MSH3: variants seen among roughly 807,000 people sequenced by gnomAD.
MSH3 encodes mutS homolog 3.
A neutral mutation model predicts 123.3 loss-of-function variants in MSH3; 106 were observed. The observed-to-expected ratio is 0.86, with a 90% CI of 0.73 to 1.01. MSH3 has a LOEUF of 1.01. Among genes scored for constraint, MSH3 ranks in the 50% least tolerant of loss-of-function variants. The pLI is 0.00. For missense variants in MSH3, 1,459 were observed against 1,347.6 expected, an observed-to-expected ratio of 1.08 and a Z score of -1.29; for synonymous variants, 515 against 481.4, an observed-to-expected ratio of 1.07 and a Z score of -0.91.
chr5:80,872,977 T>G (rs1480926093), intron 22 of MSH3, 139 bp from the exon 23 acceptor site: 1 of 767,736 alleles, frequency 1.3e-6, no homozygotes, highest in Non-Finnish European at 2.2e-6. Context: ...AATTGATAAA[T>G]GGATCTAACA....
At chr5:80,733,342 G>A (rs1412235872) in intron 10 of MSH3, among the ~76,000 whole-genome samples, 1 of 152,104 alleles carries the variant, frequency 6.6e-6, no homozygotes, top group East Asian at 1.9e-4. Flanking sequence ...ATGGACCAAA[G>A]ACCTGATATG....
chr5:80,685,497 T>G (rs1433308639), intron 8 of MSH3, among the ~76,000 whole-genome samples: 1 of 152,112 alleles, frequency 6.6e-6, no homozygotes, highest in East Asian at 1.9e-4. Context: ...TGAATTCCTG[T>G]AGTATCAGTA....
chr5:80,722,566 C>T (rs1448842149), intron 8 of MSH3, among the ~76,000 whole-genome samples: 4 of 152,168 alleles, frequency 2.6e-5, no homozygotes, highest in Admixed American at 6.5e-5. Context: ...AGTAGAGTCC[C>T]CTGATGCTGG....
intron 19 of MSH3, among the ~76,000 whole-genome samples, chr5:80,812,610 G>A (rs1176575659): frequency 2.1e-5 from 3 of 141,606 alleles, no homozygotes; most frequent in Non-Finnish European, 4.6e-5. Flanking sequence ...TTGAGATGGA[G>A]TCTCACTCTC....
chr5:80,656,130 G>A (rs1485501599), intron 1 of MSH3, among the ~76,000 whole-genome samples: 2 of 152,204 alleles, frequency 1.3e-5, no homozygotes, highest in African/African-American at 4.8e-5. Context: ...ATTAGAGAAA[G>A]CTGAAGGCTC....
intron 17 of MSH3, among the ~76,000 whole-genome samples, chr5:80,779,646 G>GTTCTCCCACCTCAGTCA (rs1233527248): frequency 1.3e-5 from 2 of 149,148 alleles, no homozygotes; most frequent in African/African-American, 2.5e-5. Flanking sequence ...TGCCTCCCGA[G>GTTCTCCCACCTCAGTCA]TTCTCCCACC....
chr5:80,681,977 A>G (rs892047361), intron 8 of MSH3, among the ~76,000 whole-genome samples: 1 of 152,206 alleles, frequency 6.6e-6, no homozygotes, highest in African/African-American at 2.4e-5. Context: ...TCTAGTTAGC[A>G]TTGTAAATAA....
chr5:80,775,802 C>G, intron 16 of MSH3, 44 bp downstream of exon 16: 1 of 1,013,984 alleles, frequency 9.9e-7, no homozygotes, highest in Non-Finnish European at 1.6e-6. Context: ...ATTATGATGA[C>G]ATCTGTATAT....
intron 2 of MSH3, among the ~76,000 whole-genome samples, chr5:80,659,312 C>A (rs563286310): frequency 6.6e-6 from 1 of 152,050 alleles, no homozygotes; most frequent in South Asian, 2.1e-4. Flanking sequence ...TTAGGATATT[C>A]CCAGAGTTGT....
At chr5:80,866,627 A>C (rs565845344) in intron 22 of MSH3, among the ~76,000 whole-genome samples, 5 of 152,146 alleles carry the variant, frequency 3.3e-5, no homozygotes, top group Admixed American at 6.5e-5. Context: ...TGCTTCATCA[A>C]GTTGACACAT....
chr5:80,761,413 A>T (rs1379752639), intron 12 of MSH3, 133 bp from the exon 13 acceptor site: 1 of 1,073,552 alleles, frequency 9.3e-7, no homozygotes, highest in Non-Finnish European at 1.4e-6. Context: ...CCACATGACT[A>T]TCTCAGTATG....
At chr5:80,820,200 A>G (rs1004036022) in intron 20 of MSH3, among the ~76,000 whole-genome samples, 29 of 152,224 alleles carry the variant, frequency 1.9e-4, no homozygotes, top group Admixed American at 1.9e-3. Flanking sequence ...ACTGCTGTGG[A>G]TAAGCCATAA....
At chr5:80,675,192 C>G (rs527400902) in intron 7 of MSH3, 64 bp downstream of exon 7, 3 of 1,526,150 alleles carry the variant, frequency 2.0e-6, no homozygotes, top group Non-Finnish European at 2.7e-6. Context: ...TATGATCTAT[C>G]ATGTATGGTT....
At chr5:80,855,251 C>T (rs1745896309) in intron 21 of MSH3, among the ~76,000 whole-genome samples, 1 of 151,962 alleles carries the variant, frequency 6.6e-6, no homozygotes, top group Admixed American at 6.6e-5. Context: ...TTTCTGTTTT[C>T]CCCCCCATTT....
intron 4 of MSH3, among the ~76,000 whole-genome samples, chr5:80,671,857 A>G (rs1340974153): frequency 6.6e-6 from 1 of 152,084 alleles, no homozygotes; most frequent in Non-Finnish European, 1.5e-5. Flanking sequence ...ATTTCTGCAT[A>G]CTCTGTAGTG....
intron 18 of MSH3, among the ~76,000 whole-genome samples, chr5:80,791,845 G>A (rs1279390259): frequency 1.3e-5 from 2 of 152,180 alleles, no homozygotes; most frequent in Non-Finnish European, 2.9e-5. Context: ...AGGTTGGAAA[G>A]GGTAGACACC....
chr5:80,677,865 C>T (rs1749877946), intron 7 of MSH3, among the ~76,000 whole-genome samples: 1 of 152,164 alleles, frequency 6.6e-6, no homozygotes, highest in African/African-American at 2.4e-5. Flanking sequence ...ATTTTATGAT[C>T]TACAGTTTAT....
intron 22 of MSH3, among the ~76,000 whole-genome samples, chr5:80,872,227 T>A (rs1198629617): frequency 6.6e-6 from 1 of 152,130 alleles, no homozygotes; most frequent in East Asian, 1.9e-4. Context: ...CCCAGCACTT[T>A]GGGAGGCCAA....
intron 19 of MSH3, among the ~76,000 whole-genome samples, chr5:80,806,041 A>C (rs1744884678): frequency 6.9e-6 from 1 of 145,354 alleles, no homozygotes; most frequent in African/African-American, 2.4e-5. Context: ...ATTTTTTATA[A>C]ACATTTTAAA....
Sources: allele counts gnomAD v4.1 joint callset (sites outside exome capture counted in the v4.1 genomes callset), GRCh38; gene constraint gnomAD v4.1.1; transcripts MANE v1.5; gene names NCBI Gene and HGNC (gene_info 2026-07-23, HGNC 2026-07-21).